Variants in NIPAL2 observed in about 807,000 individuals in gnomAD.
NIPAL2 encodes the protein NIPA-like protein 2.
NIPAL2 carries 43 observed loss-of-function variants against 48.9 expected under a neutral mutation model. The ratio of observed to expected loss-of-function variants is 0.88; its 90% CI spans 0.69 to 1.13. NIPAL2 has a LOEUF of 1.13. Among genes scored for constraint, NIPAL2 ranks in the 50% most tolerant of loss-of-function variants. The pLI, the probability that NIPAL2 is intolerant of heterozygous loss-of-function variation, is 0.00. For synonymous variants in NIPAL2, 167 were observed against 174.6 expected (o/e 0.96, Z 0.34); for missense variants, 446 against 461.4 (o/e 0.97, Z 0.31).
chr8:98,281,738 C>T (rs1032968702), intron 1 of NIPAL2, among the ~76,000 whole-genome samples: 6 of 152,186 alleles, frequency 3.9e-5, no homozygotes, highest in Non-Finnish European at 5.9e-5. Flanking sequence ...AGGTGTGCTC[C>T]GCAAAACCCC....
intron 1 of NIPAL2, among the ~76,000 whole-genome samples, chr8:98,259,297 G>A (rs1338030761): frequency 2.0e-5 from 3 of 151,306 alleles, no homozygotes; most frequent in Non-Finnish European, 2.9e-5. Flanking sequence ...GGATGGTCTC[G>A]ATCTCCTGAC....
At chr8:98,249,108 T>A (rs1459607869) in intron 3 of NIPAL2, among the ~76,000 whole-genome samples, 1 of 152,196 alleles carries the variant, frequency 6.6e-6, no homozygotes, top group Non-Finnish European at 1.5e-5. Context: ...TTTGGAGACC[T>A]GGCGTACTGC....
chr8:98,193,836 A>G (rs181414548), intron 10 of NIPAL2, among the ~76,000 whole-genome samples: 104 of 151,910 alleles, frequency 6.8e-4, no homozygotes, highest in African/African-American at 2.3e-3. Flanking sequence ...TTTATTTCCT[A>G]TCAAAGAACC....
At chr8:98,218,032 A>G (rs1811661551) in intron 5 of NIPAL2, among the ~76,000 whole-genome samples, 1 of 152,252 alleles carries the variant, frequency 6.6e-6, no homozygotes, top group Non-Finnish European at 1.5e-5. Flanking sequence ...TTTTGTGGAA[A>G]TACACAGCTT....
At chr8:98,269,438 T>C (rs576515508) in intron 1 of NIPAL2, among the ~76,000 whole-genome samples, 1 of 152,320 alleles carries the variant, frequency 6.6e-6, no homozygotes, top group Non-Finnish European at 1.5e-5. Context: ...TTCATCTCCT[T>C]GTACATCTCC....
At chr8:98,252,003 A>G (rs1271569079) in intron 3 of NIPAL2, among the ~76,000 whole-genome samples, 1 of 152,224 alleles carries the variant, frequency 6.6e-6, no homozygotes, top group Non-Finnish European at 1.5e-5. Flanking sequence ...ACATTACTGT[A>G]AAATTACACA....
At position 98,209,445 on chromosome 8, in the gene NIPAL2, CAAAAA is replaced by C. The variant is rs33923448; in HGVS notation, c.655+2955_655+2959del. On this transcript the variant is annotated intron_variant, in intron 6 of 10. Transcript: ENST00000430223. ...GCAGCATGGGGATACCCTGTCTCTC[CAAAAA>C]AAAAAAAAAAAAAAAAAATTAGCCA... Among the ~76,000 whole-genome samples the C allele has an allele frequency of 3.5e-4, 25 of 70,504 alleles. No individual in the cohort carries two copies. The East Asian group carries it at 4.8e-3, about 14-fold the overall frequency. The allele number at this position is 70,504 out of a possible 152,430, so 46.3% of individuals were successfully genotyped here. A position where few individuals can be genotyped will look rare whatever the true frequency, so the allele number is the denominator to read the frequency against.
At chr8:98,231,900 T>C (rs1486302277) in intron 4 of NIPAL2, 1 of 152,208 alleles carries the variant, frequency 6.6e-6, no homozygotes, top group Non-Finnish European at 1.5e-5. Context: ...CACATTTTGA[T>C]AATTTAATTT....
intron 6 of NIPAL2, among the ~76,000 whole-genome samples, chr8:98,208,900 G>A (rs950137678): frequency 3.3e-5 from 5 of 151,724 alleles, no homozygotes; most frequent in Non-Finnish European, 4.4e-5. Flanking sequence ...ACTTTGTTAC[G>A]TCTCATGGAT....
intron 1 of NIPAL2, among the ~76,000 whole-genome samples, chr8:98,261,862 T>G (rs1442976870): frequency 7.8e-6 from 1 of 127,462 alleles, no homozygotes; most frequent in African/African-American, 3.0e-5. Context: ...GAAAAAATGT[T>G]AAGGGCAGCC....
intron 3 of NIPAL2, among the ~76,000 whole-genome samples, chr8:98,251,014 A>G (rs1020023428): frequency 1.3e-5 from 2 of 151,982 alleles, no homozygotes; most frequent in African/African-American, 4.8e-5. Flanking sequence ...CTTTGTTTGA[A>G]CCACCTGAGG....
chr8:98,214,714 A>G (rs931688680), intron 5 of NIPAL2, among the ~76,000 whole-genome samples: 1 of 152,120 alleles, frequency 6.6e-6, no homozygotes, highest in Non-Finnish European at 1.5e-5. Context: ...GGGCATGGGA[A>G]ACAGCAGGCC....
At chr8:98,273,188 G>A (rs1291769379) in intron 1 of NIPAL2, among the ~76,000 whole-genome samples, 1 of 152,114 alleles carries the variant, frequency 6.6e-6, no homozygotes, top group East Asian at 1.9e-4. Context: ...GCCATAAAAG[G>A]GAGTGAAGTA....
chr8:98,259,070 C>CT (rs869220202), intron 1 of NIPAL2, among the ~76,000 whole-genome samples: 993 of 41,852 alleles, frequency 0.024, 25 homozygotes, highest in South Asian at 0.063. Flanking sequence ...TTAAATATTC[C>CT]TTTTTTTTTT....
At chr8:98,266,328 G>A (rs974769702) in intron 1 of NIPAL2, among the ~76,000 whole-genome samples, 4 of 151,560 alleles carry the variant, frequency 2.6e-5, no homozygotes, top group Admixed American at 6.6e-5. Flanking sequence ...TAGGCTGGAC[G>A]CAGTGGCTCA....
At chr8:98,259,493 G>C (rs1252641548) in intron 1 of NIPAL2, among the ~76,000 whole-genome samples, 1 of 152,136 alleles carries the variant, frequency 6.6e-6, no homozygotes, top group African/African-American at 2.4e-5. Context: ...AAAGTAATCA[G>C]AGTATGGCAG....
In NIPAL2 at chr8:98,192,981, G is replaced by T. The variant is rs774867423; in HGVS notation, c.1149C>A (p.Val383=). The T allele has an allele frequency of 1.9e-6, 3 of 1,601,534 alleles. No homozygotes were observed. The highest frequency in any genetic ancestry group is 2.6e-6 in the Non-Finnish European group (3 of 1,168,856). ...TKSQSGEKKE[V] is the part of the protein sequence containing the mutation. ...CAACAGCCATCCTTCTCAGCATTTA[G>T]ACCTCTTTCTTCTCTCCACTTTGGC... The change falls in exon 11 of 11, where the codon GTC becomes GTA. Residue 383 remains valine (V), a synonymous_variant. Transcript: ENST00000430223.
intron 10 of NIPAL2, among the ~76,000 whole-genome samples, chr8:98,193,568 C>T (rs1003216829): frequency 6.6e-6 from 1 of 152,136 alleles, no homozygotes; most frequent in Non-Finnish European, 1.5e-5. Flanking sequence ...CCTATCATCC[C>T]AGCACATTGG....
intron 1 of NIPAL2, among the ~76,000 whole-genome samples, chr8:98,288,477 C>T (rs1384554772): frequency 6.6e-5 from 10 of 151,954 alleles, no homozygotes; most frequent in African/African-American, 1.9e-4. Flanking sequence ...TCTTTGCTAT[C>T]GTGAATAATG....
Sources: gnomAD v4.1 joint callset for allele counts (sites outside exome capture counted in the v4.1 genomes callset) on GRCh38, gnomAD v4.1.1 for gene constraint, MANE v1.5 for transcripts, NCBI Gene and HGNC (gene_info 2026-07-23, HGNC 2026-07-21) for gene names.